The following SYNPO2 variants were observed in gnomAD, a reference collection of about 807,000 sequenced individuals.
SYNPO2 encodes the protein synaptopodin-2.
SYNPO2 carries 56 observed loss-of-function variants against 85.0 expected under a neutral mutation model. The observed-to-expected ratio is 0.66, with a 90% CI of 0.53 to 0.82. The LOEUF (loss-of-function observed/expected upper bound fraction) is 0.82. Ranked by LOEUF, SYNPO2 falls within the 40% of genes least tolerant of loss-of-function variation. The probability of loss-of-function intolerance (pLI) is 0.00; values close to 1 mark genes in which losing one functional copy is unlikely to be tolerated. For missense variants in SYNPO2, 1,575 were observed against 1,534.2 expected (o/e 1.03, Z -0.44); for synonymous variants, 602 against 591.1 (o/e 1.02, Z -0.27).
chr4:118,985,834 G>T (rs1265955206), intron 1 of SYNPO2, among the ~76,000 whole-genome samples: 1 of 152,164 alleles, frequency 6.6e-6, no homozygotes, highest in Non-Finnish European at 1.5e-5. Flanking sequence ...GTCACACCAG[G>T]TTGCTGGGCT....
intron 4 of SYNPO2, chr4:119,034,227 T>G (rs978311009): frequency 2.0e-6 from 2 of 985,358 alleles, no homozygotes; most frequent in African/African-American, 3.5e-5. Context: ...ATCATTTTTA[T>G]AGCTTTGCAT....
rs532518871 is a variant in SYNPO2, at chr4:118,932,475, C to T, written c.105+43334C>T. Among the ~76,000 whole-genome samples, 4 of 152,250 alleles carry T rather than the reference C, an allele frequency of 2.6e-5. No homozygotes were observed. In the South Asian group the frequency reaches 8.3e-4, roughly 32 times the overall value. ...AAGTAAGCATCTTGAAATAATTTAT[C>T]TTCTGCTGGTTATAAACTTAAATTA... On this transcript the variant is annotated intron_variant, in intron 1 of 4. Coordinates refer to ENST00000307142, the MANE Select transcript of SYNPO2 (RefSeq NM_133477.3).
chr4:118,900,703 C>CTCTCTCTATATATATATA (rs1277981772), intron 1 of SYNPO2, among the ~76,000 whole-genome samples: 35 of 43,860 alleles, frequency 8.0e-4, no homozygotes, highest in Non-Finnish European at 1.3e-3. Flanking sequence ...CTCTCTCTCT[C>CTCTCTCTATATATATATA]TATATATATA....
intron 4 of SYNPO2, chr4:119,037,531 C>T (rs775056707): frequency 4.0e-6 from 4 of 994,942 alleles, no homozygotes; most frequent in Non-Finnish European, 4.8e-6. Context: ...GTGCAATAAT[C>T]AAGGCCATGC....
chr4:118,957,071 T>TA (rs955397192), intron 1 of SYNPO2, among the ~76,000 whole-genome samples: 5 of 150,346 alleles, frequency 3.3e-5, no homozygotes, highest in Admixed American at 6.6e-5. Context: ...ATAAAAAAAA[T>TA]AAAAAAAAGT....
chr4:119,013,233 T>C lies in SYNPO2; in HGVS notation c.106-10197T>C, dbSNP rs185944981. 2.7e-3 allele frequency among the ~76,000 whole-genome samples: 404 copies of C among 152,298 alleles called. 1 individual carries two copies. Among genetic ancestry groups the C allele is most frequent in the African/African-American group, 9.3e-3 (387 of 41,562 alleles). On this transcript the variant is annotated intron_variant, in intron 1 of 4. Coordinates refer to ENST00000307142, the MANE Select transcript of SYNPO2 (RefSeq NM_133477.3). ...GGGGCCTTTGTGTTCCTTACTGTCA[T>C]ACATTTGGCTTAAAAAACATGATGC...
At chr4:118,996,751 G>A (rs1242137617) in intron 1 of SYNPO2, among the ~76,000 whole-genome samples, 4 of 151,810 alleles carry the variant, frequency 2.6e-5, no homozygotes, top group African/African-American at 9.7e-5. Context: ...CAGTTACTCG[G>A]GAGGCTGAGG....
At chr4:118,995,863 TATCTATC>T (rs1302861552) in intron 1 of SYNPO2, among the ~76,000 whole-genome samples, 6 of 37,326 alleles carry the variant, frequency 1.6e-4, no homozygotes, top group Admixed American at 2.9e-4. Context: ...CTATTTATCT[TATCTATC>T]TATCTATCTA....
At chr4:118,954,255 A>T (rs1308967074) in intron 1 of SYNPO2, among the ~76,000 whole-genome samples, 1 of 152,242 alleles carries the variant, frequency 6.6e-6, no homozygotes, top group Non-Finnish European at 1.5e-5. Context: ...AAACACTGAC[A>T]ATTTGCCTCC....
chr4:119,052,516 C>A (rs1739086272), intron 4 of SYNPO2, among the ~76,000 whole-genome samples: 1 of 152,200 alleles, frequency 6.6e-6, no homozygotes, highest in Admixed American at 6.5e-5. Flanking sequence ...GTTGCCAAAT[C>A]AAGTAAAAAC....
chr4:118,891,641 TG>T (rs1335774089), intron 1 of SYNPO2, among the ~76,000 whole-genome samples: 1 of 152,214 alleles, frequency 6.6e-6, no homozygotes, highest in Non-Finnish European at 1.5e-5. Flanking sequence ...ATTCTATTCA[TG>T]GTATCTCAAT....
chr4:119,008,124 T>C (rs1356100027), intron 1 of SYNPO2, among the ~76,000 whole-genome samples: 5 of 152,224 alleles, frequency 3.3e-5, no homozygotes, highest in African/African-American at 1.2e-4. Flanking sequence ...ATAGATTTCA[T>C]AGTACAGTAA....
chr4:119,011,920 CTTTTT>C (rs548974684), intron 1 of SYNPO2, among the ~76,000 whole-genome samples: 1 of 109,624 alleles, frequency 9.1e-6, no homozygotes. Context: ...TTTCTATAGA[CTTTTT>C]TTTTTTTTTT....
At chr4:118,909,913 T>A (rs1733077915) in intron 1 of SYNPO2, among the ~76,000 whole-genome samples, 1 of 152,214 alleles carries the variant, frequency 6.6e-6, no homozygotes, top group Non-Finnish European at 1.5e-5. Context: ...ACACCGCAGT[T>A]GTACAGTGGC....
At chr4:118,997,188 C>T (rs1031512117) in intron 1 of SYNPO2, among the ~76,000 whole-genome samples, 6 of 137,442 alleles carry the variant, frequency 4.4e-5, no homozygotes, top group Non-Finnish European at 9.3e-5. Flanking sequence ...TGCAGTGAGC[C>T]GAGATCCCGC....
rs762530696 is a variant in SYNPO2 at position 119,031,420 on chromosome 4, G to A, written c.2645G>A (p.Arg882Lys). Residue 882 changes from arginine to lysine, a missense_variant, in exon 4 of 5, where the codon AGA (arginine) becomes AAA (lysine). Physicochemically the swap from Arg to Lys is conservative, Grantham distance 26. Transcript: ENST00000307142. The stretch of plus-strand genomic sequence containing the variant: ...CAGCTCTTTGCTAAAAGGCAGTCGA[G>A]AATGGAGAAGTATGTGGTCGATTCA... ...GAQLFAKRQS[R>K]MEKYVVDSDT... 7 of 1,614,146 alleles carry A rather than the reference G, an allele frequency of 4.3e-6. No homozygotes were observed. Among genetic ancestry groups the A allele is most frequent in the Non-Finnish European group, 5.9e-6 (7 of 1,180,038 alleles).
chr4:118,937,575 G>A (rs1317177986), intron 1 of SYNPO2, among the ~76,000 whole-genome samples: 1 of 152,116 alleles, frequency 6.6e-6, no homozygotes, highest in Admixed American at 6.5e-5. Flanking sequence ...GCCTACTGCT[G>A]GATCTCCAGG....
intron 4 of SYNPO2, chr4:119,042,837 A>G (rs947896954): frequency 2.6e-5 from 4 of 152,236 alleles, no homozygotes; most frequent in Admixed American, 6.5e-5. Flanking sequence ...ACTTTGAGGC[A>G]CTAAAGTTTA....
At chr4:119,039,663 C>A (rs1870423) in intron 4 of SYNPO2, among the ~76,000 whole-genome samples, 1 of 152,018 alleles carries the variant, frequency 6.6e-6, no homozygotes, top group Non-Finnish European at 1.5e-5. Flanking sequence ...TCCAGCCAAC[C>A]AGCATCACAT....
Sources: gnomAD v4.1 joint callset for allele counts (sites outside exome capture counted in the v4.1 genomes callset) on GRCh38, gnomAD v4.1.1 for gene constraint, MANE v1.5 for transcripts, NCBI Gene and HGNC (gene_info 2026-07-23, HGNC 2026-07-21) for gene names.